The following TMC1 variants were observed in gnomAD, a reference collection of about 807,000 sequenced individuals.
TMC1 encodes transmembrane channel-like protein 1.
A neutral mutation model predicts 105.8 loss-of-function variants in TMC1; 84 were observed. The ratio of observed to expected loss-of-function variants is 0.79; its 90% confidence interval spans 0.67 to 0.95. The LOEUF (loss-of-function observed/expected upper bound fraction) is 0.95. Ranked by LOEUF, TMC1 falls within the 40% of genes least tolerant of loss-of-function variation. The pLI is 0.00. For synonymous variants in TMC1, 315 were observed against 311.5 expected (o/e 1.01, Z -0.12); for missense variants, 817 against 914.1 (o/e 0.89, Z 1.37).
At chr9:72,813,311 T>C (rs143330880) in intron 18 of TMC1, among the ~76,000 whole-genome samples, 66 of 152,298 alleles carry the variant, frequency 4.3e-4, no homozygotes, top group African/African-American at 1.6e-3. Context: ...TCTAAAACAA[T>C]GAGCACTGAC....
chr9:72,602,779 T>C (rs1353761499), intron 2 of TMC1, among the ~76,000 whole-genome samples: 3 of 152,336 alleles, frequency 2.0e-5, no homozygotes, highest in African/African-American at 7.2e-5. Flanking sequence ...TGCCTTTTTC[T>C]GAGATGAATG....
chr9:72,535,459 C>G (rs7854898), intron 1 of TMC1, among the ~76,000 whole-genome samples: 77,815 of 151,964 alleles, frequency 0.51, 20,656 homozygotes, highest in African/African-American at 0.66. Context: ...CTAATCCAAC[C>G]TATAAACCAT....
chr9:72,578,437 C>T (rs958479095), intron 2 of TMC1: 1 of 152,214 alleles, frequency 6.6e-6, no homozygotes, highest in Non-Finnish European at 1.5e-5. Flanking sequence ...TCTTATCCCT[C>T]CTTCGCAAGC....
chr9:72,654,699 C>T (rs1825859018), intron 5 of TMC1, among the ~76,000 whole-genome samples: 1 of 151,666 alleles, frequency 6.6e-6, no homozygotes, highest in Non-Finnish European at 1.5e-5. Context: ...ATCATTATTA[C>T]TTTTTGTTTA....
At chr9:72,824,302 T>A (rs1828919319) in intron 20 of TMC1, among the ~76,000 whole-genome samples, 1 of 152,230 alleles carries the variant, frequency 6.6e-6, no homozygotes. Context: ...AGCAGCTCAG[T>A]TGGCCCCTTG....
At chr9:72,834,861 C>T (rs1829096566) in intron 23 of TMC1, among the ~76,000 whole-genome samples, 1 of 152,172 alleles carries the variant, frequency 6.6e-6, no homozygotes, top group South Asian at 2.1e-4. Context: ...CCCTTTGCCC[C>T]ACCAAGCTTG....
At chr9:72,779,564 A>G (rs1017754880) in intron 13 of TMC1, among the ~76,000 whole-genome samples, 1 of 152,214 alleles carries the variant, frequency 6.6e-6, no homozygotes, top group African/African-American at 2.4e-5. Context: ...CATTTTAAGA[A>G]CCAAGCTGAT....
At chr9:72,784,847 C>T (rs572946577) in intron 13 of TMC1, among the ~76,000 whole-genome samples, 1 of 152,240 alleles carries the variant, frequency 6.6e-6, no homozygotes, top group African/African-American at 2.4e-5. Flanking sequence ...AACAGAAAAC[C>T]AAATAACCTC....
At chr9:72,576,464 A>G (rs1824381157) in intron 1 of TMC1, among the ~76,000 whole-genome samples, 1 of 150,174 alleles carries the variant, frequency 6.7e-6, no homozygotes, top group Non-Finnish European at 1.5e-5. Flanking sequence ...GGTGCTCAGC[A>G]CCTCTTTGAT....
chr9:72,594,966 A>G (rs995579723), intron 2 of TMC1, among the ~76,000 whole-genome samples: 3 of 151,790 alleles, frequency 2.0e-5, no homozygotes, highest in Non-Finnish European at 1.5e-5. Context: ...CCCAGGTTCA[A>G]GTGATTCTTC....
intron 18 of TMC1, among the ~76,000 whole-genome samples, chr9:72,814,681 G>A (rs1289624671): frequency 6.6e-6 from 1 of 152,174 alleles, no homozygotes; most frequent in Non-Finnish European, 1.5e-5. Flanking sequence ...TTACAAGGGA[G>A]ATTGTCCCTA....
chr9:72,643,140 TTTC>T (rs1294046448), intron 4 of TMC1, among the ~76,000 whole-genome samples: 1 of 152,084 alleles, frequency 6.6e-6, no homozygotes, highest in African/African-American at 2.4e-5. Flanking sequence ...CCTTTCTTTT[TTTC>T]TTCTTCCTCC....
At chr9:72,600,835 TAAAC>T (rs1212211923) in intron 2 of TMC1, among the ~76,000 whole-genome samples, 1 of 152,242 alleles carries the variant, frequency 6.6e-6, no homozygotes, top group African/African-American at 2.4e-5. Flanking sequence ...GTGCGCTTGT[TAAAC>T]AGAGGTCTGG....
intron 8 of TMC1, among the ~76,000 whole-genome samples, chr9:72,731,770 CT>C (rs2117985609): frequency 6.6e-6 from 1 of 152,188 alleles, no homozygotes; most frequent in African/African-American, 2.4e-5. Flanking sequence ...ATGTTTTCAT[CT>C]CTTCATTTTT....
rs562774686 is a variant in TMC1 at position 72,734,521 on chromosome 9, C to G, written c.363-5598C>G. On this transcript the variant is annotated intron_variant, in intron 8 of 23. Coordinates refer to ENST00000297784, the MANE Select transcript of TMC1 (RefSeq NM_138691.3). Reference sequence around the variant, plus strand: ...GGATGATTTTCAATAATTCTACCAGCCTAACTATGAAGTTATATTATCTAG... The same window carrying G: ...GGATGATTTTCAATAATTCTACCAGGCTAACTATGAAGTTATATTATCTAG... Among the ~76,000 whole-genome samples, 29 of 151,802 alleles carry G rather than the reference C, an allele frequency of 1.9e-4. 1 individual carries two copies. The highest frequency in any genetic ancestry group is 7.0e-4 in the African/African-American group (29 of 41,376).
intron 1 of TMC1, among the ~76,000 whole-genome samples, chr9:72,555,023 C>T (rs1191436236): frequency 6.6e-6 from 1 of 151,942 alleles, no homozygotes; most frequent in Non-Finnish European, 1.5e-5. Context: ...GGATTACAGG[C>T]ATGTGCCACC....
rs779035669 is a variant in TMC1 at position 72,789,239 on chromosome 9, C to T, written c.1146C>T (p.Leu382=). Residue 382 remains leucine, a synonymous_variant, in exon 15 of 24, where the codon CTC becomes CTT. Coordinates refer to ENST00000297784, the MANE Select transcript of TMC1 (RefSeq NM_138691.3). ...VFLTLGGSGY[L]IFWAVKRSQE... is the part of the protein sequence containing the mutation. The stretch of plus-strand genomic sequence containing the variant: ...TAACACTTGGAGGGAGTGGATACCT[C>T]ATCTTTTGGGCTGTGAAGCGATCCC... 1 of 1,614,044 alleles carries T rather than the reference C, an allele frequency of 6.2e-7. No individual in the cohort carries two copies. Among genetic ancestry groups the T allele is most frequent in the Non-Finnish European group, 8.5e-7 (1 of 1,179,952 alleles).
At chr9:72,825,262 C>G (rs1248652617) in intron 20 of TMC1, among the ~76,000 whole-genome samples, 1 of 152,178 alleles carries the variant, frequency 6.6e-6, no homozygotes, top group Non-Finnish European at 1.5e-5. Flanking sequence ...GCTGGGAAGA[C>G]AGGCCTCCTC....
intron 5 of TMC1, among the ~76,000 whole-genome samples, chr9:72,666,294 G>A (rs923023014): frequency 6.6e-6 from 1 of 151,908 alleles, no homozygotes; most frequent in African/African-American, 2.4e-5. Context: ...AAGAAAAAGT[G>A]CTTTAATATT....
Sources: gnomAD v4.1 joint callset for allele counts (sites outside exome capture counted in the v4.1 genomes callset) on GRCh38, gnomAD v4.1.1 for gene constraint, MANE v1.5 for transcripts, NCBI Gene and HGNC (gene_info 2026-07-23, HGNC 2026-07-21) for gene names.